NEBL: variants seen among roughly 807,000 people sequenced by gnomAD.
NEBL encodes the protein LIM and SH3 protein 2.
In NEBL, 122 loss-of-function variants were observed where a neutral mutation model predicts 140.2. The observed-to-expected ratio is 0.87, with a 90% CI of 0.75 to 1.01. The LOEUF is 1.01. Ranked by LOEUF, NEBL falls within the 50% of genes least tolerant of loss-of-function variation. The pLI, the probability that NEBL is intolerant of heterozygous loss-of-function variation, is 0.00. For missense variants in NEBL, 1,365 were observed against 1,231.3 expected (o/e 1.11, Z -1.62); for synonymous variants, 436 against 398.9 (o/e 1.09, Z -1.11).
At chr10:20,868,786 A>C in intron 6 of NEBL, 21 bp from the exon 7 acceptor site, 1 of 1,516,852 alleles carries the variant, frequency 6.6e-7, no homozygotes, top group Non-Finnish European at 9.2e-7. Flanking sequence ...TAAATAAGAC[A>C]ATGTTAAATA....
intron 2 of NEBL, among the ~76,000 whole-genome samples, chr10:21,025,290 C>A (rs990871612): frequency 6.6e-6 from 1 of 152,160 alleles, no homozygotes; most frequent in Non-Finnish European, 1.5e-5. Context: ...TGTTTAGCAT[C>A]ATAAACAGAA....
intron 2 of NEBL, among the ~76,000 whole-genome samples, chr10:21,064,623 T>A (rs1835451412): frequency 6.6e-6 from 1 of 152,242 alleles, no homozygotes; most frequent in Admixed American, 6.5e-5. Flanking sequence ...TTGTTGGTGT[T>A]TTAAAAGTAA....
chr10:21,240,187 A>C (rs994150683), intron 3 of NEBL, among the ~76,000 whole-genome samples: 1 of 151,944 alleles, frequency 6.6e-6, no homozygotes, highest in Non-Finnish European at 1.5e-5. Context: ...TACCGACAAA[A>C]CTCTTGGAAC....
intron 4 of NEBL, among the ~76,000 whole-genome samples, chr10:20,951,297 A>G (rs1835449417): frequency 1.3e-5 from 2 of 152,162 alleles, no homozygotes; most frequent in South Asian, 4.1e-4. Context: ...TGCAAGCAGC[A>G]TTGCATGTGA....
At chr10:21,227,708 TTCTTTCTTCTTCTTCTTC>T (rs1208599738) in intron 3 of NEBL, among the ~76,000 whole-genome samples, 125 of 80,898 alleles carry the variant, frequency 1.5e-3, no homozygotes, top group African/African-American at 6.4e-3. Context: ...CTTCTTCTTC[TTCTTTCTTCTTCTTCTTC>T]TTCTTCTTCT....
intron 25 of NEBL, among the ~76,000 whole-genome samples, chr10:20,809,308 A>C (rs534120861): frequency 6.6e-6 from 1 of 152,328 alleles, no homozygotes; most frequent in African/African-American, 2.4e-5. Flanking sequence ...CTAAGTTAAA[A>C]GCCAACTATG....
chr10:20,796,785 A>T (rs189491633), intron 26 of NEBL, among the ~76,000 whole-genome samples: 238 of 152,278 alleles, frequency 1.6e-3, no homozygotes, highest in Non-Finnish European at 3.1e-3. Context: ...TATAATTCAA[A>T]CCACAAATAT....
chr10:21,264,696 T>TTAAAAA (rs1842778122), intron 1 of NEBL, among the ~76,000 whole-genome samples: 1 of 30,686 alleles, frequency 3.3e-5, no homozygotes, highest in Non-Finnish European at 6.2e-5. Context: ...AGTTGCTATT[T>TTAAAAA]AAAAAAAAAA....
chr10:20,794,141 G>A (rs952838772), intron 26 of NEBL, among the ~76,000 whole-genome samples: 1 of 152,230 alleles, frequency 6.6e-6, no homozygotes, highest in Non-Finnish European at 1.5e-5. Context: ...TCCTGGGAAA[G>A]CCAGTGCCAC....
chr10:21,085,518 C>T (rs1399466834), intron 2 of NEBL, among the ~76,000 whole-genome samples: 1 of 152,048 alleles, frequency 6.6e-6, no homozygotes, highest in East Asian at 1.9e-4. Flanking sequence ...ACCGATGGTC[C>T]CAGCTACTTG....
chr10:20,926,298 T>C (rs1314640067), intron 4 of NEBL, among the ~76,000 whole-genome samples: 1 of 152,240 alleles, frequency 6.6e-6, no homozygotes, highest in African/African-American at 2.4e-5. Context: ...CACAGAGCTC[T>C]GAGCATGATT....
chr10:21,031,651 C>T (rs913983562), intron 2 of NEBL, among the ~76,000 whole-genome samples: 1 of 152,220 alleles, frequency 6.6e-6, no homozygotes, highest in Non-Finnish European at 1.5e-5. Flanking sequence ...ACATCAAGAA[C>T]AGAACAGAGT....
At chr10:21,237,623 G>T (rs11012604) in intron 3 of NEBL, among the ~76,000 whole-genome samples, 23,731 of 150,104 alleles carry the variant, frequency 0.16, 2,498 homozygotes, top group African/African-American at 0.3. Flanking sequence ...GTTCTTTTTT[G>T]TGAGACAGGG....
intron 26 of NEBL, among the ~76,000 whole-genome samples, chr10:20,792,562 G>A (rs1836104794): frequency 6.6e-6 from 1 of 152,166 alleles, no homozygotes; most frequent in Non-Finnish European, 1.5e-5. Context: ...AGCACTTTGG[G>A]AGGCCGAGGC....
chr10:21,131,480 C>T (rs1211184171), intron 2 of NEBL, among the ~76,000 whole-genome samples: 1 of 152,104 alleles, frequency 6.6e-6, no homozygotes, highest in Non-Finnish European at 1.5e-5. Context: ...CTGTACTCTG[C>T]TCACTGTGAT....
At chr10:20,937,536 T>C (rs919364616) in intron 4 of NEBL, among the ~76,000 whole-genome samples, 1 of 152,148 alleles carries the variant, frequency 6.6e-6, no homozygotes, top group African/African-American at 2.4e-5. Context: ...AGATGATTTC[T>C]GCATTTCCAA....
At chr10:21,057,751 G>T (rs1456026650) in intron 2 of NEBL, among the ~76,000 whole-genome samples, 1 of 151,834 alleles carries the variant, frequency 6.6e-6, no homozygotes, top group Non-Finnish European at 1.5e-5. Context: ...TATAGAGACA[G>T]AATTTTGCCA....
At chr10:21,011,664 GT>G in intron 3 of NEBL, among the ~76,000 whole-genome samples, 1 of 146,992 alleles carries the variant, frequency 6.8e-6, no homozygotes, top group East Asian at 2.0e-4. Flanking sequence ...GTTGGCATCT[GT>G]GGCATCTGTT....
At position 20,793,562 on chromosome 10, in the gene NEBL, T is replaced by C. The variant is rs1464750626; in HGVS notation, c.2762-6254A>G. Among the ~76,000 whole-genome samples, 4 of 151,694 alleles carry C rather than the reference T, an allele frequency of 2.6e-5. 1 individual carries two copies. The highest frequency in any genetic ancestry group is 9.7e-5 in the African/African-American group (4 of 41,292). On this transcript the variant is annotated intron_variant, in intron 26 of 27. Coordinates refer to ENST00000377122, the MANE Select transcript of NEBL (RefSeq NM_006393.3). ...TATTTTTCTTTCTTTCTTTTCTTTT[T>C]TTTTTTTTTAACACAGGATCTGGCT...
Sources: allele counts gnomAD v4.1 joint callset (sites outside exome capture counted in the v4.1 genomes callset), GRCh38; gene constraint gnomAD v4.1.1; transcripts MANE v1.5; gene names NCBI Gene and HGNC (gene_info 2026-07-23, HGNC 2026-07-21).